Variants in PPP2R1B observed in about 807,000 individuals in gnomAD.
PPP2R1B encodes the protein serine/threonine-protein phosphatase 2A 65 kDa regulatory subunit A beta isoform.
Under a neutral mutation model 72.7 loss-of-function variants are expected in PPP2R1B, and 58 were observed. The observed-to-expected ratio is 0.80, with a 90% CI of 0.65 to 0.99. The LOEUF is 0.99. PPP2R1B is among the 50% of genes least tolerant of loss of function. The pLI, the probability that PPP2R1B is intolerant of heterozygous loss-of-function variation, is 0.00. For synonymous variants in PPP2R1B, 256 were observed against 264.6 expected (o/e 0.97, Z 0.32); for missense variants, 695 against 733.6 (o/e 0.95, Z 0.61).
Position 111,755,098 on chromosome 11 carries a change from T to C in PPP2R1B, c.844-4A>G. On this transcript the variant is annotated splice_polypyrimidine_tract_variant and splice_region_variant and intron_variant, in intron 6 of 14. Transcript: ENST00000527614. ...TAGGACCCATGGCTTTCTGGAGCTA[T>C]AAAAGAATTTGAACGGGTTTTAATG... 6.2e-7 allele frequency: 1 copy of C among 1,601,284 alleles called. No homozygotes were observed. The highest frequency in any genetic ancestry group is 8.5e-7 in the Non-Finnish European group (1 of 1,171,014).
At position 111,740,324 on chromosome 11, in the gene PPP2R1B, TCTC is replaced by T. The variant is rs1288375540; in HGVS notation, c.*1269_*1271del. On this transcript the variant is annotated 3_prime_UTR_variant, in exon 15 of 15. Transcript: ENST00000527614. ...CCTCTACCTCCCAGGTTCAAGCAATTCTCCTGCCTCAGCCTCCTGAGTAGCTGG... is the reference window on the plus strand; with the variant it reads ...CCTCTACCTCCCAGGTTCAAGCAATTCTGCCTCAGCCTCCTGAGTAGCTGG... 1 of 874,318 alleles carries T rather than the reference TCTC, an allele frequency of 1.1e-6. No individual in the cohort carries two copies. The highest frequency in any genetic ancestry group is 1.8e-5 in the African/African-American group (1 of 54,692). The allele number at this position is 874,318 out of a possible 1,614,324, so 54.2% of individuals were successfully genotyped here. A position where few individuals can be genotyped will look rare whatever the true frequency, so the allele number is the denominator to read the frequency against.
At chr11:111,689,984 GTA>G in the PPP2R1B span, among the ~76,000 whole-genome samples, 53,793 of 148,408 alleles carry the variant, frequency 0.36, 11,125 homozygotes, top group African/African-American at 0.57. Flanking sequence ...GTGTGTATGT[GTA>G]TATATATATA....
At chr11:111,699,733 G>T in the PPP2R1B span, among the ~76,000 whole-genome samples, 3 of 152,196 alleles carry the variant, frequency 2.0e-5, no homozygotes, top group African/African-American at 7.2e-5. Flanking sequence ...AGGTATGAAT[G>T]GAGTGAGCTT....
chr11:111,704,182 G>A, the PPP2R1B span, among the ~76,000 whole-genome samples: 2 of 152,200 alleles, frequency 1.3e-5, no homozygotes, highest in East Asian at 3.8e-4. Flanking sequence ...TTTGCGCCCA[G>A]TGATGTTTTT....
chr11:111,750,398 A>T (rs1430299361), intron 10 of PPP2R1B, among the ~76,000 whole-genome samples: 1 of 152,202 alleles, frequency 6.6e-6, no homozygotes, highest in Non-Finnish European at 1.5e-5. Flanking sequence ...GCCTATTATC[A>T]GCTACTCAGG....
downstream of PPP2R1B, among the ~76,000 whole-genome samples, chr11:111,734,289 T>C (rs1270828795): frequency 1.3e-5 from 2 of 152,256 alleles, no homozygotes; most frequent in African/African-American, 4.8e-5. Context: ...GTTCTGAGCA[T>C]CTGCTTCAGG....
In PPP2R1B at chr11:111,752,177, C is replaced by G. The variant is rs782083344; in HGVS notation, c.1320G>C (p.Pro440=). 1 of 1,609,462 alleles carries G rather than the reference C, an allele frequency of 6.2e-7. No homozygotes were observed. Among genetic ancestry groups the G allele is most frequent in the South Asian group, 1.1e-5 (1 of 90,236 alleles). The change falls in exon 10 of 15, where the codon CCG becomes CCC. Residue 440 remains proline, a synonymous_variant. Transcript: ENST00000527614. ...TACTCACCAGCTGGCCTGCCAGCAGCGGCATATACTCAATGATGGCCAGGC... is the reference window on the plus strand; with the variant it reads ...TACTCACCAGCTGGCCTGCCAGCAGGGGCATATACTCAATGATGGCCAGGC... ...RVRLAIIEYM[P]LLAGQLGVEF...
At chr11:111,722,782 A>G, downstream of PPP2R1B, 9 of 1,605,030 alleles carry the variant, frequency 5.6e-6, no homozygotes, top group Non-Finnish European at 7.7e-6. The surrounding 1 kb of genome is among the most constrained non-coding windows in gnomAD (Gnocchi z 4.4). Flanking sequence ...TGGCCAAAGA[A>G]GTTGCTTCCT....
chr11:111,712,440 GTGT>G, the PPP2R1B span: 1 of 1,520,438 alleles, frequency 6.6e-7, no homozygotes, highest in Non-Finnish European at 8.9e-7. Flanking sequence ...TGGTCCACAA[GTGT>G]TGTACTTTGG....
the PPP2R1B span, chr11:111,712,350 A>C: frequency 3.1e-6 from 5 of 1,614,148 alleles, no homozygotes; most frequent in Non-Finnish European, 4.2e-6. Flanking sequence ...GCATTCATGG[A>C]AGAAGAGTGT....
the PPP2R1B span, among the ~76,000 whole-genome samples, chr11:111,696,591 A>G: frequency 6.6e-6 from 1 of 152,252 alleles, no homozygotes; most frequent in East Asian, 1.9e-4. Flanking sequence ...ACATTAAACT[A>G]GAAAGATGTT....
chr11:111,756,457 C>G lies in PPP2R1B; in HGVS notation c.688-1007G>C, dbSNP rs185539596. ...GAAAGTTGAGGGATAAAAATGAAAA[C>G]AATATTTGTACAAGTTATTTATAAC... On this transcript the variant is annotated intron_variant, in intron 5 of 14. Coordinates refer to ENST00000527614, the MANE Select transcript of PPP2R1B (RefSeq NM_002716.5). Among the ~76,000 whole-genome samples the G allele has an allele frequency of 7.4e-3, 1,117 of 150,622 alleles. 8 individuals carry two copies. Among genetic ancestry groups the G allele is most frequent in the Middle Eastern group, 0.055 (16 of 290 alleles).
the PPP2R1B span, among the ~76,000 whole-genome samples, chr11:111,711,198 A>G: frequency 2.0e-5 from 3 of 151,326 alleles, no homozygotes; most frequent in Non-Finnish European, 4.4e-5. Flanking sequence ...GGCTCACTGC[A>G]AGCTCCGCCT....
the PPP2R1B span, among the ~76,000 whole-genome samples, chr11:111,709,853 G>A: frequency 6.6e-5 from 10 of 152,324 alleles, no homozygotes; most frequent in Non-Finnish European, 1.2e-4. Context: ...AGTCCAGGTC[G>A]GATGTGAACA....
In PPP2R1B at chr11:111,761,059, G is replaced by A. The variant is rs1336949641; in HGVS notation, c.307-8C>T. On this transcript the variant is annotated splice_polypyrimidine_tract_variant and splice_region_variant and intron_variant, in intron 3 of 14. Transcript: ENST00000527614. ...CAGATTTTCCAAAGGAGGCTGAATGGATTAAAAAGGAAAACCAGAGAAGAA... is the reference window on the plus strand; with the variant it reads ...CAGATTTTCCAAAGGAGGCTGAATGAATTAAAAAGGAAAACCAGAGAAGAA... 1 of 1,607,200 alleles carries A rather than the reference G, an allele frequency of 6.2e-7. No individual in the cohort carries two copies. The highest frequency in any genetic ancestry group is 8.5e-7 in the Non-Finnish European group (1 of 1,174,492).
chr11:111,720,108 T>C, the PPP2R1B span: 5 of 1,102,790 alleles, frequency 4.5e-6, no homozygotes, highest in Admixed American at 4.0e-5. Flanking sequence ...ATTGAGTCGA[T>C]AGCTTATTCC....
At chr11:111,730,458 A>G (rs550791064) in intron 15 of PPP2R1B, 2 of 152,342 alleles carry the variant, frequency 1.3e-5, no homozygotes, top group African/African-American at 4.8e-5. Context: ...AGGGATACAG[A>G]GATATCTGCA....
chr11:111,732,837 G>A (rs1944235719), intron 15 of PPP2R1B, among the ~76,000 whole-genome samples: 1 of 152,176 alleles, frequency 6.6e-6, no homozygotes, highest in Non-Finnish European at 1.5e-5. Flanking sequence ...TGGGCTTTGT[G>A]CACTAAATCC....
chr11:111,728,811 C>G (rs1378689370), intron 15 of PPP2R1B: 1 of 151,870 alleles, frequency 6.6e-6, no homozygotes, highest in African/African-American at 2.4e-5. Flanking sequence ...GTAGTTCCAG[C>G]TACTCGGGAG....
Sources: allele counts gnomAD v4.1 joint callset (sites outside exome capture counted in the v4.1 genomes callset), GRCh38; gene constraint gnomAD v4.1.1; non-coding constraint Gnocchi (gnomAD v3.1); transcripts MANE v1.5; gene names NCBI Gene and HGNC (gene_info 2026-07-23, HGNC 2026-07-21).